Variants in IL1RAPL2 observed in about 807,000 individuals in gnomAD.
IL1RAPL2 encodes the protein X-linked interleukin-1 receptor accessory protein-like 2.
Under a neutral mutation model 44.1 loss-of-function variants are expected in IL1RAPL2, and 3 were observed. The ratio of observed to expected loss-of-function variants is 0.07; its 90% CI spans 0.03 to 0.18. IL1RAPL2 has a LOEUF of 0.18. IL1RAPL2 is among the 10% of genes least tolerant of loss of function. The pLI, the probability that IL1RAPL2 is intolerant of heterozygous loss-of-function variation, is 1.00. For missense variants in IL1RAPL2, 391 were observed against 496.4 expected, an observed-to-expected ratio of 0.79 and a Z score of 2.02; for synonymous variants, 181 against 178.8, an observed-to-expected ratio of 1.01 and a Z score of -0.10.
intron 2 of IL1RAPL2, among the ~76,000 whole-genome samples, chrX:104,708,863 A>C (rs1406711893): frequency 1.8e-5 from 2 of 110,422 alleles, no homozygotes; most frequent in Admixed American, 1.9e-4. Context: ...CTTCTAGAAC[A>C]CTCCTGGGCT....
In IL1RAPL2 at chrX:105,138,262, T is replaced by G. The variant is rs1008066321; in HGVS notation, c.83-57213T>G. On this transcript the variant is annotated intron_variant, in intron 2 of 10. Coordinates refer to ENST00000372582, the MANE Select transcript of IL1RAPL2 (RefSeq NM_017416.2). The stretch of plus-strand genomic sequence containing the variant: ...AGGAAGAAAATCCATTTATTTCAAA[T>G]AAATTTGAAAATATTATATTTGCTT... 2.7e-5 allele frequency among the ~76,000 whole-genome samples: 3 copies of G among 111,034 alleles called. No homozygotes were observed. In the Admixed American group the frequency reaches 2.9e-4, roughly 11 times the overall value.
intron 3 of IL1RAPL2, among the ~76,000 whole-genome samples, chrX:105,197,375 C>A (rs1160577416): frequency 6.3e-5 from 7 of 111,973 alleles, no homozygotes; most frequent in African/African-American, 2.3e-4. Flanking sequence ...TCTCCTCCCC[C>A]TGCACCATTT....
At chrX:105,408,159 T>C (rs1341178202) in intron 5 of IL1RAPL2, among the ~76,000 whole-genome samples, 2 of 112,178 alleles carry the variant, frequency 1.8e-5, no homozygotes, top group African/African-American at 6.5e-5. Context: ...AAAAAACAGA[T>C]GTAAAGTAAA....
rs1011416664 is a variant in IL1RAPL2, at chrX:105,494,177, A to G, written c.772+9790A>G. 2.7e-5 allele frequency among the ~76,000 whole-genome samples: 3 copies of G among 111,790 alleles called. No homozygotes were observed. In the South Asian group the frequency reaches 1.1e-3, roughly 41 times the overall value. On this transcript the variant is annotated intron_variant, in intron 6 of 10. Coordinates refer to ENST00000372582, the MANE Select transcript of IL1RAPL2 (RefSeq NM_017416.2). ...ACTGAGTGCACTGTTCCCCAAAAGC[A>G]TATGATGTCTGTGTTGATATCAATA... is the stretch of plus-strand genomic sequence containing the variant.
chrX:105,095,763 T>A lies in IL1RAPL2; in HGVS notation c.83-99712T>A, dbSNP rs142061856. Among the ~76,000 whole-genome samples the A allele has an allele frequency of 6.0e-3, 676 of 111,988 alleles. 5 individuals are homozygous for A. Among genetic ancestry groups the A allele is most frequent in the Non-Finnish European group, 8.9e-3 (471 of 53,120 alleles). ...TCTCAGAAGAAAACATAGGCATAAA[T>A]CTTTGTGATCTTTGATTGGACAATG... On this transcript the variant is annotated intron_variant, in intron 2 of 10. Coordinates refer to ENST00000372582, the MANE Select transcript of IL1RAPL2 (RefSeq NM_017416.2).
chrX:105,162,079 A>G (rs183486674), intron 2 of IL1RAPL2, among the ~76,000 whole-genome samples: 12 of 112,510 alleles, frequency 1.1e-4, no homozygotes, highest in Non-Finnish European at 2.3e-4. Flanking sequence ...CCAGAGTTAC[A>G]TAATAATATA....
intron 2 of IL1RAPL2, among the ~76,000 whole-genome samples, chrX:104,916,833 G>T (rs878931716): frequency 9.0e-6 from 1 of 111,374 alleles, no homozygotes; most frequent in Non-Finnish European, 1.9e-5. Context: ...TAATCAGGTG[G>T]TTTTTGTCTT....
chrX:104,691,992 C>A (rs1931098840), intron 2 of IL1RAPL2, among the ~76,000 whole-genome samples: 1 of 111,600 alleles, frequency 9.0e-6, no homozygotes, highest in African/African-American at 3.3e-5. Flanking sequence ...AACAGCCAGA[C>A]CAGAGTCACT....
intron 5 of IL1RAPL2, among the ~76,000 whole-genome samples, chrX:105,293,931 T>G (rs1173060441): frequency 8.9e-6 from 1 of 112,328 alleles, no homozygotes; most frequent in Non-Finnish European, 1.9e-5. Flanking sequence ...TGTAATATGA[T>G]TTAACTAAAA....
rs183569265 is a variant in IL1RAPL2 at position 105,071,540 on chromosome X, A to G, written c.83-123935A>G. 1.6e-3 allele frequency among the ~76,000 whole-genome samples: 173 copies of G among 111,592 alleles called. 1 individual carries two copies. Among genetic ancestry groups the G allele is most frequent in the African/African-American group, 5.3e-3 (164 of 30,776 alleles). On this transcript the variant is annotated intron_variant, in intron 2 of 10. Coordinates refer to ENST00000372582, the MANE Select transcript of IL1RAPL2 (RefSeq NM_017416.2). ...AAAATCCTAAAATTCATATGAAATCACAAAAGATCCCAAAGAGCCAAAACA... is the reference window on the plus strand; with the variant it reads ...AAAATCCTAAAATTCATATGAAATCGCAAAAGATCCCAAAGAGCCAAAACA...
intron 2 of IL1RAPL2, among the ~76,000 whole-genome samples, chrX:105,009,474 T>A (rs1393764569): frequency 1.9e-5 from 2 of 107,656 alleles, no homozygotes; most frequent in Non-Finnish European, 3.8e-5. Flanking sequence ...CTGGAAACCA[T>A]CATTCTCAGC....
rs142858381 is a variant in IL1RAPL2, at chrX:105,505,563, C to A, written c.772+21176C>A. On this transcript the variant is annotated intron_variant, in intron 6 of 10. Coordinates refer to ENST00000372582, the MANE Select transcript of IL1RAPL2 (RefSeq NM_017416.2). ...CAGAATAGCATATATTAAGGTCTTGCAGAAAGAAAAAAATGTTGAGAATAT... is the reference window on the plus strand; with the variant it reads ...CAGAATAGCATATATTAAGGTCTTGAAGAAAGAAAAAAATGTTGAGAATAT... Among the ~76,000 whole-genome samples, 852 of 110,411 alleles carry A rather than the reference C, an allele frequency of 7.7e-3. 8 individuals are homozygous for A. The highest frequency in any genetic ancestry group is 0.027 in the African/African-American group (811 of 30,431).
chrX:105,249,828 A>G (rs1309514218), intron 4 of IL1RAPL2, among the ~76,000 whole-genome samples: 5 of 111,582 alleles, frequency 4.5e-5, no homozygotes, highest in Non-Finnish European at 9.5e-5. Context: ...GCTTACCATA[A>G]CATCCAACAA....
intron 5 of IL1RAPL2, among the ~76,000 whole-genome samples, chrX:105,425,227 G>A (rs1339584324): frequency 1.8e-5 from 2 of 111,092 alleles, no homozygotes; most frequent in Non-Finnish European, 3.8e-5. Flanking sequence ...TTGGGTTTGA[G>A]GTCAACAACT....
chrX:104,987,776 C>T (rs2030588464), intron 2 of IL1RAPL2, among the ~76,000 whole-genome samples: 1 of 110,999 alleles, frequency 9.0e-6, no homozygotes, highest in African/African-American at 3.3e-5. Context: ...TGCTTTGTGA[C>T]AGCAAATACA....
chrX:105,747,053 G>A (rs2038549102), intron 8 of IL1RAPL2, among the ~76,000 whole-genome samples: 1 of 111,113 alleles, frequency 9.0e-6, no homozygotes, highest in Non-Finnish European at 1.9e-5. Flanking sequence ...AGTAAAAATT[G>A]TGATTTGCAG....
chrX:105,600,177 T>A (rs928137857), intron 6 of IL1RAPL2, among the ~76,000 whole-genome samples: 1 of 111,197 alleles, frequency 9.0e-6, no homozygotes, highest in Non-Finnish European at 1.9e-5. Context: ...TTTCATAATA[T>A]GGATATACTG....
At position 105,370,836 on chromosome X, in the gene IL1RAPL2, C is replaced by T. The variant is rs148683490; in HGVS notation, c.697+103295C>T. Among the ~76,000 whole-genome samples, 466 of 112,304 alleles carry T rather than the reference C, an allele frequency of 4.1e-3. 3 individuals carry two copies. Among genetic ancestry groups the T allele is most frequent in the African/African-American group, 0.014 (435 of 30,961 alleles). On this transcript the variant is annotated intron_variant, in intron 5 of 10. Transcript: ENST00000372582. ...CCACATGGCTGAACATGGCTTTCCA[C>T]GTGGGATTTACATTCCCACCAGCAG...
chrX:105,017,229 T>C (rs767268141), intron 2 of IL1RAPL2, among the ~76,000 whole-genome samples: 6 of 110,918 alleles, frequency 5.4e-5, no homozygotes, highest in African/African-American at 2.0e-4. Flanking sequence ...GGTCTATCTA[T>C]TTGTTGATCT....
Sources: allele counts gnomAD v4.1 joint callset (sites outside exome capture counted in the v4.1 genomes callset), GRCh38; gene constraint gnomAD v4.1.1; transcripts MANE v1.5; gene names NCBI Gene and HGNC (gene_info 2026-07-23, HGNC 2026-07-21).